Variants in NUP133 observed in about 807,000 individuals in gnomAD.
NUP133 encodes nuclear pore complex protein Nup133.
Under a neutral mutation model 146.2 loss-of-function variants are expected in NUP133, and 66 were observed. The ratio of observed to expected loss-of-function variants is 0.45; its 90% CI spans 0.37 to 0.55. The LOEUF is 0.55. Among genes scored for constraint, NUP133 ranks in the 20% least tolerant of loss-of-function variants. NUP133 has a pLI of 0.00. For missense variants in NUP133, 1,277 were observed against 1,374.8 expected (o/e 0.93, Z 1.12); for synonymous variants, 521 against 498.8 (o/e 1.04, Z -0.59).
intron 5 of NUP133, 103 bp from the exon 6 acceptor site, chr1:229,498,409 C>A: frequency 2.7e-6 from 2 of 744,732 alleles, no homozygotes; most frequent in Non-Finnish European, 2.1e-6. Flanking sequence ...TGAAATAAAT[C>A]TAAAAGAATA....
At chr1:229,491,520 T>A (rs1403473876) in intron 8 of NUP133, among the ~76,000 whole-genome samples, 2 of 152,200 alleles carry the variant, frequency 1.3e-5, no homozygotes. Context: ...GTTTCACACC[T>A]GTAACCCCAG....
intron 21 of NUP133, among the ~76,000 whole-genome samples, chr1:229,454,832 C>G (rs1427580301): frequency 6.6e-6 from 1 of 152,110 alleles, no homozygotes; most frequent in Non-Finnish European, 1.5e-5. Flanking sequence ...TATAAACACA[C>G]TTTTTTTAGA....
At chr1:229,500,484 T>C (rs1661769517) in intron 4 of NUP133, among the ~76,000 whole-genome samples, 1 of 152,222 alleles carries the variant, frequency 6.6e-6, no homozygotes, top group Admixed American at 6.5e-5. Context: ...CACTATGCAT[T>C]GATACAGAGA....
At position 229,441,612 on chromosome 1, in the gene NUP133, G is replaced by A. The variant is rs1042837225; in HGVS notation, c.*292C>T. On this transcript the variant is annotated 3_prime_UTR_variant, in exon 26 of 26. Coordinates refer to ENST00000261396, the MANE Select transcript of NUP133 (RefSeq NM_018230.3). ...TAGAAGTGATTTGTACATGTGAGCA[G>A]CTAGAACCAGGACAAGAACTCCAGA... The A allele has an allele frequency of 1.6e-5, 6 of 380,062 alleles. No individual in the cohort carries two copies. The Admixed American group carries it at 2.2e-4, about 14-fold the overall frequency. 23.5% of individuals were successfully genotyped at this position (380,062 alleles called of 1,614,324 possible).
chr1:229,488,890 T>C (rs1476007101), intron 9 of NUP133, among the ~76,000 whole-genome samples: 3 of 152,146 alleles, frequency 2.0e-5, no homozygotes, highest in African/African-American at 4.8e-5. Flanking sequence ...TTAGATACTA[T>C]GTAAGAGTAA....
chr1:229,476,065 C>T (rs575258095), intron 13 of NUP133, among the ~76,000 whole-genome samples: 1 of 151,112 alleles, frequency 6.6e-6, no homozygotes, highest in Non-Finnish European at 1.5e-5. Flanking sequence ...GCCGAGATTG[C>T]GCCACTGCAT....
chr1:229,472,575 G>A (rs1660982342), intron 14 of NUP133, among the ~76,000 whole-genome samples: 1 of 151,518 alleles, frequency 6.6e-6, no homozygotes, highest in Non-Finnish European at 1.5e-5. Flanking sequence ...CCAGCTACTT[G>A]GGAGGCTGAG....
chr1:229,498,330 A>T, intron 5 of NUP133, 24 bp from the exon 6 acceptor site: 1 of 1,526,580 alleles, frequency 6.6e-7, no homozygotes, highest in Non-Finnish European at 8.8e-7. Flanking sequence ...TTATGAGGTT[A>T]GTTCAGTTTA....
At chr1:229,502,236 T>C in intron 2 of NUP133, 134 bp from the exon 3 acceptor site, 1 of 616,948 alleles carries the variant, frequency 1.6e-6, no homozygotes, top group East Asian at 2.8e-5. Context: ...ATTCCAAAAT[T>C]ATCAACACCA....
At chr1:229,462,580 A>G (rs1660716943) in intron 19 of NUP133, among the ~76,000 whole-genome samples, 1 of 150,290 alleles carries the variant, frequency 6.7e-6, no homozygotes, top group Admixed American at 6.6e-5. Context: ...TTTTTTTTTA[A>G]AGATAGGTCT....
At chr1:229,497,367 T>C (rs1571938710) in intron 6 of NUP133, among the ~76,000 whole-genome samples, 1 of 152,196 alleles carries the variant, frequency 6.6e-6, no homozygotes, top group East Asian at 1.9e-4. Context: ...ATGAGTTTTA[T>C]AGGGTTAAGT....
In NUP133 at chr1:229,475,693, TGAA is replaced by T; in HGVS notation, c.1793_1795del (p.Leu598del). 1 of 1,614,182 alleles carries T rather than the reference TGAA, an allele frequency of 6.2e-7. No individual in the cohort carries two copies. The highest frequency in any genetic ancestry group is 8.5e-7 in the Non-Finnish European group (1 of 1,180,000). On this transcript the variant is annotated inframe_deletion, in exon 14 of 26. Transcript: ENST00000261396. ...AGCTTTCATCTTGTCTTCTAGCTGG[TGAA>T]GGATAATCAGTGACGTATTGCTGAA...
chr1:229,441,328 T>C lies in NUP133; in HGVS notation c.*576A>G, dbSNP rs2102741763. 2.5e-5 allele frequency: 12 copies of C among 471,022 alleles called. No individual in the cohort carries two copies. Among genetic ancestry groups the C allele is most frequent in the South Asian group, 1.9e-4 (12 of 63,514 alleles). 29.2% of individuals were successfully genotyped at this position (471,022 alleles called of 1,614,324 possible). Reference sequence around the variant, plus strand: ...CATTAGTGCTCATTTATTATTTATGTAGAAAAGTTTAAAATGCTCCCAATG... The same window carrying C: ...CATTAGTGCTCATTTATTATTTATGCAGAAAAGTTTAAAATGCTCCCAATG... On this transcript the variant is annotated 3_prime_UTR_variant, in exon 26 of 26. Transcript: ENST00000261396.
chr1:229,491,321 T>C (rs571099872), intron 8 of NUP133, among the ~76,000 whole-genome samples: 2 of 152,330 alleles, frequency 1.3e-5, no homozygotes, highest in South Asian at 2.1e-4. Flanking sequence ...TAAAGCTTAC[T>C]TGCTTTTGTC....
chr1:229,477,653 T>C lies in NUP133; in HGVS notation c.1700A>G (p.Asp567Gly). ...LDRAVTQISV[D>G]LMDDYPASDP... ...AGATGCTGGGTAGTCATCCATCAGGTCTACACTGATTTGGGTAACTGCCCT... is the reference window on the plus strand; with the variant it reads ...AGATGCTGGGTAGTCATCCATCAGGCCTACACTGATTTGGGTAACTGCCCT... The change falls in exon 13 of 26, where the codon GAC becomes GGC. Residue 567 changes from aspartate (D) to glycine (G), a missense_variant. Physicochemically the swap from Asp to Gly is moderately conservative, Grantham distance 94. Around this residue, in one of 3 missense-constraint regions of NUP133, gnomAD observed 952 missense variants for 1,047.0 expected, o/e 0.91. Transcript: ENST00000261396. 1 of 1,613,888 alleles carries C rather than the reference T, an allele frequency of 6.2e-7. No homozygotes were observed. Among genetic ancestry groups the C allele is most frequent in the African/African-American group, 1.3e-5 (1 of 74,994 alleles).
rs959620446 is a variant in NUP133 at position 229,460,507 on chromosome 1, T to C, written c.2844+104A>G. ...ATATATTTTGGATAGTAACCCCTTCTCAGGTATATGACAGTAAACAGTATT... is the reference window on the plus strand; with the variant it reads ...ATATATTTTGGATAGTAACCCCTTCCCAGGTATATGACAGTAAACAGTATT... On this transcript the variant is annotated intron_variant, in intron 20 of 25. Coordinates refer to ENST00000261396, the MANE Select transcript of NUP133 (RefSeq NM_018230.3). 6.1e-6 allele frequency: 7 copies of C among 1,151,314 alleles called. No individual in the cohort carries two copies. In the African/African-American group the frequency reaches 1.1e-4, roughly 18 times the overall value. 71.3% of individuals were successfully genotyped at this position (1,151,314 alleles called of 1,614,324 possible).
At chr1:229,464,174 C>T (rs774238752) in intron 18 of NUP133, among the ~76,000 whole-genome samples, 4 of 152,038 alleles carry the variant, frequency 2.6e-5, no homozygotes, top group Non-Finnish European at 5.9e-5. Flanking sequence ...AATTCAGACC[C>T]TTGTTTCATC....
chr1:229,465,721 T>C (rs1660794663), intron 16 of NUP133, among the ~76,000 whole-genome samples: 1 of 151,854 alleles, frequency 6.6e-6, no homozygotes, highest in Admixed American at 6.6e-5. Flanking sequence ...AGACCCCATC[T>C]GTACAAAAAA....
chr1:229,487,838 A>AT (rs10565327), intron 9 of NUP133, among the ~76,000 whole-genome samples: 5,060 of 118,060 alleles, frequency 0.043, 116 homozygotes, highest in African/African-American at 0.075. Flanking sequence ...TGCTTTTTTA[A>AT]TTTTTTTTTT....
Sources: allele counts gnomAD v4.1 joint callset (sites outside exome capture counted in the v4.1 genomes callset), GRCh38; gene constraint gnomAD v4.1.1; regional missense constraint gnomAD v4.1.1; transcripts MANE v1.5; gene names NCBI Gene and HGNC (gene_info 2026-07-23, HGNC 2026-07-21).